Variants in XKR4 observed in about 807,000 individuals in gnomAD.
XKR4 encodes XK related 4, also known as XK-related protein 4.
XKR4 carries 12 observed loss-of-function variants against 53.9 expected under a neutral mutation model. The observed-to-expected ratio is 0.22, with a 90% CI of 0.14 to 0.36. The LOEUF (loss-of-function observed/expected upper bound fraction) is 0.36, where lower values mean the gene tolerates loss of function less well. XKR4 is among the 10% of genes least tolerant of loss of function. XKR4 has a pLI of 1.00. For missense variants in XKR4, 799 were observed against 859.5 expected (o/e 0.93, Z 0.88); for synonymous variants, 354 against 362.4 (o/e 0.98, Z 0.26).
intron 2 of XKR4, among the ~76,000 whole-genome samples, chr8:55,501,578 A>T (rs1186697658): frequency 6.6e-6 from 1 of 152,038 alleles, no homozygotes; most frequent in African/African-American, 2.4e-5. Context: ...TGACTGACTT[A>T]TTTCACTTGT....
intron 1 of XKR4, among the ~76,000 whole-genome samples, chr8:55,211,044 G>T (rs1422726497): frequency 6.6e-6 from 1 of 152,116 alleles, no homozygotes; most frequent in Non-Finnish European, 1.5e-5. Context: ...CTTAATCAAG[G>T]CCCTGGTCAT....
chr8:55,122,233 A>G (rs1003233532), intron 1 of XKR4, among the ~76,000 whole-genome samples: 2 of 152,222 alleles, frequency 1.3e-5, no homozygotes, highest in Admixed American at 1.3e-4. Flanking sequence ...CTGTATAGAA[A>G]CAACTTTGGT....
chr8:55,135,661 A>G (rs986541143), intron 1 of XKR4: 1 of 456,012 alleles, frequency 2.2e-6, no homozygotes, highest in Non-Finnish European at 4.4e-6. Context: ...GTCTTCAAAA[A>G]ACAGGGAGAG....
chr8:55,495,854 C>G (rs1396662656), intron 2 of XKR4, among the ~76,000 whole-genome samples: 2 of 152,228 alleles, frequency 1.3e-5, no homozygotes, highest in Non-Finnish European at 2.9e-5. Flanking sequence ...CAGCTGGTGG[C>G]CACTCCAGAT....
intron 2 of XKR4, among the ~76,000 whole-genome samples, chr8:55,428,967 A>G (rs1286238453): frequency 6.6e-6 from 1 of 152,242 alleles, no homozygotes; most frequent in Admixed American, 6.5e-5. Flanking sequence ...AGAATAGCTC[A>G]AACAATTCTG....
chr8:55,514,307 A>C (rs981503321), intron 2 of XKR4, among the ~76,000 whole-genome samples: 2 of 131,528 alleles, frequency 1.5e-5, no homozygotes, highest in Non-Finnish European at 3.1e-5. Context: ...CCCAGGCTGG[A>C]GTGCAGTGGC....
rs1040430928 is a variant in XKR4, at chr8:55,529,431, C to G, written c.*5204C>G. ...TTTGGTTATTTCACTTCCCCATAGA[C>G]TTTCTTATGGTTCCATCTCCCACAT... On this transcript the variant is annotated 3_prime_UTR_variant, in exon 3 of 3. Coordinates refer to ENST00000327381, the MANE Select transcript of XKR4 (RefSeq NM_052898.2). The G allele has an allele frequency of 1.3e-5, 2 of 152,168 alleles. No individual in the cohort carries two copies. Among genetic ancestry groups the G allele is most frequent in the Admixed American group, 1.3e-4 (2 of 15,272 alleles). 9.4% of individuals were successfully genotyped at this position (152,168 alleles called of 1,614,324 possible).
intron 1 of XKR4, among the ~76,000 whole-genome samples, chr8:55,258,973 A>G (rs1818476194): frequency 6.6e-6 from 1 of 152,224 alleles, no homozygotes; most frequent in African/African-American, 2.4e-5. Flanking sequence ...TGTCTTCATC[A>G]CAAGAGACTG....
chr8:55,480,112 A>G (rs939409510), intron 2 of XKR4, among the ~76,000 whole-genome samples: 2 of 152,238 alleles, frequency 1.3e-5, no homozygotes, highest in African/African-American at 4.8e-5. Flanking sequence ...AGAGAATTTT[A>G]GACCAATATC....
At chr8:55,289,580 G>C (rs1313245277) in intron 1 of XKR4, among the ~76,000 whole-genome samples, 1 of 86,050 alleles carries the variant, frequency 1.2e-5, no homozygotes, top group African/African-American at 5.1e-5. Flanking sequence ...AGAGAGAAAG[G>C]AAGAAAGAAA....
Position 55,348,139 on chromosome 8 carries a change from CT to C in XKR4, c.807-9538del, listed in dbSNP as rs997447358. Among the ~76,000 whole-genome samples the C allele has an allele frequency of 2.2e-3, 340 of 152,284 alleles. 1 individual carries two copies. Among genetic ancestry groups the C allele is most frequent in the African/African-American group, 7.7e-3 (322 of 41,564 alleles). On this transcript the variant is annotated intron_variant, in intron 1 of 2. Transcript: ENST00000327381. ...CGAAGCCCAGATACTGATTAACAGA[CT>C]GATCTAACCCAATGTGACAAAACAC...
At chr8:55,192,762 A>T (rs1337011157) in intron 1 of XKR4, among the ~76,000 whole-genome samples, 1 of 152,160 alleles carries the variant, frequency 6.6e-6, no homozygotes, top group Non-Finnish European at 1.5e-5. Context: ...GGGGGTGAGA[A>T]CACATGAAAA....
intron 1 of XKR4, among the ~76,000 whole-genome samples, chr8:55,195,334 C>A (rs1817491578): frequency 7.1e-6 from 1 of 141,316 alleles, no homozygotes. Context: ...GTTCTATGAT[C>A]ATCTCTTTTA....
intron 1 of XKR4, among the ~76,000 whole-genome samples, chr8:55,148,295 C>T (rs1304975969): frequency 2.6e-5 from 4 of 152,122 alleles, no homozygotes; most frequent in African/African-American, 7.2e-5. Flanking sequence ...GTCCCAGCTA[C>T]TTGGGAGGCT....
At chr8:55,309,142 A>G (rs555735765) in intron 1 of XKR4, among the ~76,000 whole-genome samples, 5 of 152,220 alleles carry the variant, frequency 3.3e-5, no homozygotes, top group African/African-American at 9.7e-5. Context: ...AGTGACACCA[A>G]CACAAAAAGT....
chr8:55,210,482 A>T (rs1458557880), intron 1 of XKR4, among the ~76,000 whole-genome samples: 1 of 152,224 alleles, frequency 6.6e-6, no homozygotes, highest in African/African-American at 2.4e-5. Context: ...GGTAAATGTA[A>T]ATATTTTTTA....
rs1191860174 is a variant in XKR4, at chr8:55,450,274, G to A, written c.1007-73007G>A. On this transcript the variant is annotated intron_variant, in intron 2 of 2. Transcript: ENST00000327381. ...CTCAGGGGCTCAGGGGGTTCCCCGA[G>A]CCAGTTCCCAGTCATAGGGAGGGCC... The A allele has an allele frequency of 3.4e-5, 24 of 700,926 alleles. No homozygotes were observed. In the East Asian group the frequency reaches 7.0e-4, roughly 21 times the overall value. 43.4% of individuals were successfully genotyped at this position (700,926 alleles called of 1,614,324 possible). A position where few individuals can be genotyped will look rare whatever the true frequency, so the allele number is the denominator to read the frequency against.
chr8:55,406,883 A>G (rs1196713222), intron 2 of XKR4, among the ~76,000 whole-genome samples: 1 of 152,236 alleles, frequency 6.6e-6, no homozygotes, highest in East Asian at 1.9e-4. Flanking sequence ...TCAGTACAGA[A>G]GGCAGGAAGA....
Position 55,292,537 on chromosome 8 carries a change from CT to C in XKR4, c.807-65134del, listed in dbSNP as rs553222197. Among the ~76,000 whole-genome samples, 266 of 152,142 alleles carry C rather than the reference CT, an allele frequency of 1.7e-3. 1 individual carries two copies. The highest frequency in any genetic ancestry group is 6.8e-3 in the Middle Eastern group (2 of 294). On this transcript the variant is annotated intron_variant, in intron 1 of 2. Coordinates refer to ENST00000327381, the MANE Select transcript of XKR4 (RefSeq NM_052898.2). ...TGGATACTGGTAATGTGTGTTCTCT[CT>C]TTTTTTACCCAAACTTGATAAAGAT... is the stretch of plus-strand genomic sequence containing the variant.
Sources: allele counts gnomAD v4.1 joint callset (sites outside exome capture counted in the v4.1 genomes callset), GRCh38; gene constraint gnomAD v4.1.1; transcripts MANE v1.5; gene names NCBI Gene and HGNC (gene_info 2026-07-23, HGNC 2026-07-21).